Variants in C6 observed in about 807,000 individuals in gnomAD.
C6 encodes the protein complement C6.
A neutral mutation model predicts 112.9 loss-of-function variants in C6; 101 were observed. The ratio of observed to expected loss-of-function variants is 0.89; its 90% confidence interval spans 0.76 to 1.06. The LOEUF is 1.06. Ranked by LOEUF, C6 falls within the 50% of genes least tolerant of loss-of-function variation. The pLI is 0.00. For missense variants in C6, 1,202 were observed against 1,104.6 expected, an observed-to-expected ratio of 1.09 and a Z score of -1.25; for synonymous variants, 431 against 384.1, an observed-to-expected ratio of 1.12 and a Z score of -1.43.
Position 41,158,722 on chromosome 5 carries a change from T to C in C6, c.1920A>G (p.Ala640=). Residue 640 remains alanine (A), a synonymous_variant, in exon 13 of 18, where the codon GCA becomes GCG. Transcript: ENST00000337836. ...MKEVDLPEIE[A]DSGCPQPVPP... ...GAACTGGCTGAGGACACCCGGAATC[T>C]GCTTCTATCTCAGGAAGATCGACCT... 1 of 1,611,914 alleles carries C rather than the reference T, an allele frequency of 6.2e-7. No homozygotes were observed. Among genetic ancestry groups the C allele is most frequent in the Non-Finnish European group, 8.5e-7 (1 of 1,178,118 alleles).
intron 1 of C6, among the ~76,000 whole-genome samples, chr5:41,251,759 T>C (rs1459910352): frequency 1.3e-5 from 2 of 152,234 alleles, no homozygotes; most frequent in Admixed American, 1.3e-4. Context: ...CTAGGCTGCG[T>C]GTGCCTTCCT....
chr5:41,171,768 C>T (rs1239355084), intron 9 of C6, among the ~76,000 whole-genome samples: 1 of 152,072 alleles, frequency 6.6e-6, no homozygotes, highest in Non-Finnish European at 1.5e-5. Flanking sequence ...AATGCATGGC[C>T]CCAAAATAAT....
rs1163983831 is a variant in C6, at chr5:41,159,234, C to T, written c.1704G>A (p.Trp568Ter). 6.2e-7 allele frequency: 1 copy of T among 1,613,132 alleles called. No homozygotes were observed. Among genetic ancestry groups the T allele is most frequent in the African/African-American group, 1.3e-5 (1 of 74,836 alleles). Residue 568 changes from tryptophan to a stop codon, truncating the protein, a stop_gained, in exon 12 of 18, where the codon TGG (tryptophan) becomes TGA (stop). Coordinates refer to ENST00000337836, the MANE Select transcript of C6 (RefSeq NM_000065.5). LOFTEE classifies it high-confidence loss of function. Reference protein sequence around the residue: ...DYKSNAVDGQWGCWSSWSTCD... With the variant: ...DYKSNAVDGQ The stretch of plus-strand genomic sequence containing the variant: ...AGGTACTCCAGGAAGACCAACAACC[C>T]CACTGTCCGTCTACTGCATCTGGAA...
rs1360898676 is a variant in C6, at chr5:41,161,799, T to C, written c.1352A>G (p.Tyr451Cys). The C allele has an allele frequency of 8.7e-6, 14 of 1,613,546 alleles. No homozygotes were observed. Among genetic ancestry groups the C allele is most frequent in the Non-Finnish European group, 1.1e-5 (13 of 1,179,698 alleles). ...ISLIRGGRSE[Y>C]GAALAWEKGS... ...TTTCTCCCATGCCAAAGCTGCTCCA[T>C]ATTCACTCCTTCCACCTCGAATCAG... is the stretch of plus-strand genomic sequence containing the variant. The change falls in exon 10 of 18, where the codon TAT (tyrosine) becomes TGT (cysteine). Residue 451 changes from tyrosine (Y) to cysteine (C), a missense_variant. Transcript: ENST00000337836.
intron 1 of C6, among the ~76,000 whole-genome samples, chr5:41,239,985 G>A (rs953183853): frequency 6.6e-6 from 1 of 151,988 alleles, no homozygotes; most frequent in Non-Finnish European, 1.5e-5. Flanking sequence ...AGTCTGTGGG[G>A]GTTCTCTTAT....
At chr5:41,230,227 G>A in intron 1 of C6, among the ~76,000 whole-genome samples, 1 of 152,082 alleles carries the variant, frequency 6.6e-6, no homozygotes, top group East Asian at 1.9e-4. Context: ...GCATAACAGG[G>A]AAGATAACCA....
intron 5 of C6, among the ~76,000 whole-genome samples, chr5:41,188,259 T>C (rs1006810332): frequency 2.0e-5 from 3 of 152,098 alleles, no homozygotes; most frequent in Non-Finnish European, 4.4e-5. Flanking sequence ...GCTGCCTTTT[T>C]TTGGTAAAAA....
upstream of C6, among the ~76,000 whole-genome samples, chr5:41,218,493 C>G (rs1369182881): frequency 6.6e-6 from 1 of 152,146 alleles, no homozygotes; most frequent in Non-Finnish European, 1.5e-5. Context: ...AGAAATATTT[C>G]TTTAATGTTT....
chr5:41,209,899 G>T (rs1339747578), intron 1 of C6, among the ~76,000 whole-genome samples: 3 of 152,150 alleles, frequency 2.0e-5, no homozygotes, highest in Non-Finnish European at 4.4e-5. Flanking sequence ...AAAAGAGCCT[G>T]CATTGCCAAG....
intron 3 of C6, among the ~76,000 whole-genome samples, chr5:41,201,283 A>T (rs191383844): frequency 6.6e-6 from 1 of 152,280 alleles, no homozygotes; most frequent in Admixed American, 6.5e-5. Flanking sequence ...CAGAATTCTC[A>T]GAAGGCACAG....
chr5:41,257,321 G>C (rs763196747), intron 1 of C6, among the ~76,000 whole-genome samples: 8 of 151,948 alleles, frequency 5.3e-5, no homozygotes, highest in Non-Finnish European at 1.0e-4. Flanking sequence ...ATGACCTCCA[G>C]CTACATTCAT....
chr5:41,160,045 T>A, intron 11 of C6, 97 bp downstream of exon 11: 1 of 936,150 alleles, frequency 1.1e-6, no homozygotes, highest in Non-Finnish European at 1.7e-6. Flanking sequence ...AAGGTGGAGG[T>A]TGCTAATAGA....
At chr5:41,197,369 CA>C (rs2150357643) in intron 4 of C6, among the ~76,000 whole-genome samples, 1 of 152,146 alleles carries the variant, frequency 6.6e-6, no homozygotes, top group Non-Finnish European at 1.5e-5. Flanking sequence ...TTAAACAGTG[CA>C]TTTCTAGTTT....
chr5:41,149,209 G>C (rs1746136433), intron 17 of C6, 32 bp downstream of exon 17: 1 of 1,612,812 alleles, frequency 6.2e-7, no homozygotes, highest in Non-Finnish European at 8.5e-7. Flanking sequence ...GGTTAAGTGA[G>C]AGCATTTAGT....
chr5:41,201,714 T>C lies in C6; in HGVS notation c.144A>G (p.Arg48=), dbSNP rs1751048606. Residue 48 remains arginine, a splice_region_variant and synonymous_variant, in exon 3 of 18, where the codon AGA becomes AGG. Transcript: ENST00000337836. ...TCNSGTQSRH[R]QIVVDKYYQE... ...GGTAGTACTTATCTACTACTATTTG[T>C]CTGTAACCATGAAGAAGAAGTTGCT... The C allele has an allele frequency of 6.2e-7, 1 of 1,613,232 alleles. No individual in the cohort carries two copies. Among genetic ancestry groups the C allele is most frequent in the Non-Finnish European group, 8.5e-7 (1 of 1,179,490 alleles).
chr5:41,241,360 C>T lies in C6; in HGVS notation c.-21+19834G>A, dbSNP rs539352747. On this transcript the variant is annotated intron_variant, in intron 1 of 17. Coordinates refer to the C6 transcript ENST00000263413. ...AATTTTATGAGCTTATATAAGCTGGCGCTAGCACACCACTGGATCTTGGCT... is the reference window on the plus strand; with the variant it reads ...AATTTTATGAGCTTATATAAGCTGGTGCTAGCACACCACTGGATCTTGGCT... Among the ~76,000 whole-genome samples the T allele has an allele frequency of 7.2e-5, 11 of 152,258 alleles. No homozygotes were observed. In the South Asian group the frequency reaches 1.4e-3, roughly 20 times the overall value.
chr5:41,149,779 G>C (rs545703723), intron 16 of C6, among the ~76,000 whole-genome samples, 156 bp downstream of exon 16: 1 of 152,298 alleles, frequency 6.6e-6, no homozygotes, highest in African/African-American at 2.4e-5. Flanking sequence ...CTACCCAATG[G>C]GGAAGGAGGA....
chr5:41,254,115 G>A (rs573266870), intron 1 of C6, among the ~76,000 whole-genome samples: 1 of 152,264 alleles, frequency 6.6e-6, no homozygotes, highest in Non-Finnish European at 1.5e-5. Flanking sequence ...AGAAAGAATA[G>A]TTTTGGCCAG....
At chr5:41,224,425 T>C (rs79696132) in intron 1 of C6, among the ~76,000 whole-genome samples, 3,697 of 152,200 alleles carry the variant, frequency 0.024, 166 homozygotes, top group African/African-American at 0.084. Context: ...TCCTCCCCAG[T>C]CTTAGGCACT....
Sources: allele counts gnomAD v4.1 joint callset (sites outside exome capture counted in the v4.1 genomes callset), GRCh38; gene constraint gnomAD v4.1.1; transcripts MANE v1.5; gene names NCBI Gene and HGNC (gene_info 2026-07-23, HGNC 2026-07-21).